The following CADM2 variants were observed in gnomAD, a reference collection of about 807,000 sequenced individuals.
The protein encoded by CADM2 is cell adhesion molecule 2.
In CADM2, 12 loss-of-function variants were observed where a neutral mutation model predicts 49.8. That is an observed-to-expected ratio of 0.24 (90% CI 0.15 to 0.39). The LOEUF is 0.39. Among genes scored for constraint, CADM2 ranks in the 10% least tolerant of loss-of-function variants. The pLI is 1.00. For synonymous variants in CADM2, 214 were observed against 175.4 expected, an observed-to-expected ratio of 1.22 and a Z score of -1.74; for missense variants, 378 against 492.3, an observed-to-expected ratio of 0.77 and a Z score of 2.20.
chr3:86,033,678 T>C (rs971829097), intron 8 of CADM2, among the ~76,000 whole-genome samples: 1 of 146,556 alleles, frequency 6.8e-6, no homozygotes, highest in Non-Finnish European at 1.5e-5. Flanking sequence ...TATGTATATA[T>C]ATATATATGA....
intron 1 of CADM2, among the ~76,000 whole-genome samples, chr3:85,005,724 A>G (rs565689120): frequency 3.6e-4 from 55 of 151,190 alleles, no homozygotes; most frequent in East Asian, 2.3e-3. Flanking sequence ...TTTCTTTTAT[A>G]CATCTGATTT....
chr3:85,985,261 A>G (rs140477847), intron 8 of CADM2, among the ~76,000 whole-genome samples: 6 of 152,068 alleles, frequency 3.9e-5, no homozygotes, highest in East Asian at 3.9e-4. Context: ...GTGTCCTCAC[A>G]TTGTGCAAGG....
chr3:85,385,980 A>G (rs868376261), intron 1 of CADM2, among the ~76,000 whole-genome samples: 3 of 152,286 alleles, frequency 2.0e-5, no homozygotes, highest in Middle Eastern at 3.4e-3. Flanking sequence ...AATTTGCATT[A>G]ACAATTATAT....
chr3:85,934,057 A>C (rs1327029995), intron 6 of CADM2, among the ~76,000 whole-genome samples: 1 of 152,138 alleles, frequency 6.6e-6, no homozygotes, highest in African/African-American at 2.4e-5. Flanking sequence ...ACTGACACAC[A>C]AAATTAAACA....
intron 1 of CADM2, among the ~76,000 whole-genome samples, chr3:84,997,456 T>G (rs2033238111): frequency 6.6e-6 from 1 of 152,042 alleles, no homozygotes; most frequent in African/African-American, 2.4e-5. Context: ...AGCCAGGGTA[T>G]TTAACAACAT....
At chr3:85,294,729 C>A (rs1289282759) in intron 1 of CADM2, among the ~76,000 whole-genome samples, 1 of 151,582 alleles carries the variant, frequency 6.6e-6, no homozygotes. Context: ...GGAAAACTGG[C>A]TAGCCATATG....
chr3:85,806,803 G>A (rs1367808083), intron 3 of CADM2, among the ~76,000 whole-genome samples: 12 of 152,020 alleles, frequency 7.9e-5, no homozygotes, highest in African/African-American at 2.2e-4. Context: ...TCTCTTCCCC[G>A]GGGAGATAGG....
intron 1 of CADM2, among the ~76,000 whole-genome samples, chr3:85,642,256 G>T (rs1240651259): frequency 6.6e-6 from 1 of 151,868 alleles, no homozygotes; most frequent in East Asian, 1.9e-4. Context: ...ATAGATTATG[G>T]AATAAAACCA....
chr3:85,897,829 A>G (rs982585258), intron 5 of CADM2, among the ~76,000 whole-genome samples: 1 of 152,206 alleles, frequency 6.6e-6, no homozygotes, highest in Non-Finnish European at 1.5e-5. Context: ...ATTCTTTGAA[A>G]TTAAACATAA....
At chr3:85,660,612 T>A (rs1445820130) in intron 1 of CADM2, among the ~76,000 whole-genome samples, 1 of 152,030 alleles carries the variant, frequency 6.6e-6, no homozygotes, top group East Asian at 1.9e-4. Flanking sequence ...ACTATCTTGT[T>A]TGATTAGTGT....
chr3:85,067,421 T>C (rs889920030), intron 1 of CADM2, among the ~76,000 whole-genome samples: 1 of 152,104 alleles, frequency 6.6e-6, no homozygotes, highest in Non-Finnish European at 1.5e-5. Flanking sequence ...AATGGGAACA[T>C]TTATTTTATT....
chr3:85,524,888 A>G (rs2106918104), intron 1 of CADM2, among the ~76,000 whole-genome samples: 1 of 152,184 alleles, frequency 6.6e-6, no homozygotes, highest in Admixed American at 6.5e-5. Context: ...GCATTAAGAG[A>G]TTATATTCTT....
chr3:85,554,964 C>T (rs2061921383), intron 1 of CADM2, among the ~76,000 whole-genome samples: 1 of 151,400 alleles, frequency 6.6e-6, no homozygotes, highest in African/African-American at 2.4e-5. Flanking sequence ...CATCCTCTCA[C>T]CTTGGCCTCA....
intron 1 of CADM2, among the ~76,000 whole-genome samples, chr3:85,622,737 A>G (rs919070321): frequency 6.6e-6 from 1 of 152,062 alleles, no homozygotes; most frequent in Admixed American, 6.6e-5. Flanking sequence ...CGCTACCCCT[A>G]TGCACTGCGT....
chr3:85,443,885 C>T (rs140439756), intron 1 of CADM2, among the ~76,000 whole-genome samples: 1,628 of 152,210 alleles, frequency 0.011, 13 homozygotes, highest in Non-Finnish European at 0.017. Context: ...ATTTCGGTTG[C>T]CATCTACTCA....
chr3:85,413,161 A>AAAAAAAAAATAAT (rs1553720239), intron 1 of CADM2, among the ~76,000 whole-genome samples: 10 of 108,514 alleles, frequency 9.2e-5, no homozygotes, highest in African/African-American at 4.1e-4. Flanking sequence ...AAAAAAAAAA[A>AAAAAAAAAATAAT]AATAATAATA....
At chr3:85,431,030 T>C (rs2036637396) in intron 1 of CADM2, among the ~76,000 whole-genome samples, 1 of 152,178 alleles carries the variant, frequency 6.6e-6, no homozygotes, top group Admixed American at 6.6e-5. Flanking sequence ...ATAGATCTCA[T>C]ATACAACAGT....
At chr3:85,304,853 T>G (rs1377775400) in intron 1 of CADM2, among the ~76,000 whole-genome samples, 1 of 151,748 alleles carries the variant, frequency 6.6e-6, no homozygotes, top group East Asian at 1.9e-4. Flanking sequence ...TATACTGTCC[T>G]TCAAGGACAT....
In CADM2 at chr3:85,354,409, C is replaced by G. The variant is rs1015455884; in HGVS notation, c.62-372113C>G. ...AAGAGATACACCTAATGCTAAATGA[C>G]GAGTTAATGGGTGCAGCACACCAAC... On this transcript the variant is annotated intron_variant, in intron 1 of 9. Coordinates refer to ENST00000383699, the MANE Select transcript of CADM2 (RefSeq NM_001167675.2). 6.7e-5 allele frequency among the ~76,000 whole-genome samples: 10 copies of G among 149,936 alleles called. No homozygotes were observed. In the East Asian group the frequency reaches 1.0e-3, roughly 15 times the overall value.
Sources: allele counts gnomAD v4.1 joint callset (sites outside exome capture counted in the v4.1 genomes callset), GRCh38; gene constraint gnomAD v4.1.1; transcripts MANE v1.5; gene names NCBI Gene and HGNC (gene_info 2026-07-23, HGNC 2026-07-21).